The following ZSWIM5 variants were observed in gnomAD, a reference collection of about 807,000 sequenced individuals.
ZSWIM5 encodes the protein zinc finger SWIM domain-containing protein 5.
A neutral mutation model predicts 119.6 loss-of-function variants in ZSWIM5; 55 were observed. That is an observed-to-expected ratio of 0.46 (90% CI 0.37 to 0.58). ZSWIM5 has a LOEUF of 0.58. Ranked by LOEUF, ZSWIM5 falls within the 20% of genes least tolerant of loss-of-function variation. The pLI is 0.00. For synonymous variants in ZSWIM5, 537 were observed against 606.9 expected (o/e 0.88, Z 1.69); for missense variants, 1,193 against 1,512.8 (o/e 0.79, Z 3.51).
intron 1 of ZSWIM5, among the ~76,000 whole-genome samples, chr1:45,098,125 A>G (rs1214216625): frequency 6.6e-6 from 1 of 152,198 alleles, no homozygotes; most frequent in Non-Finnish European, 1.5e-5. Context: ...AGAGACACAT[A>G]TGCAGAAGTG....
In ZSWIM5 at chr1:45,090,902, C is replaced by G. The variant is rs377420969; in HGVS notation, c.596-2665G>C. Among the ~76,000 whole-genome samples, 41 of 151,908 alleles carry G rather than the reference C, an allele frequency of 2.7e-4. 2 individuals are homozygous for G. The East Asian group carries it at 6.2e-3, about 23-fold the overall frequency. ...AGCAGCTCCTCTCCAGACCTATACC[C>G]ACCAGACATTGCCAGCAGAGTAATA... On this transcript the variant is annotated intron_variant, in intron 1 of 13. Transcript: ENST00000359600.
intron 1 of ZSWIM5, among the ~76,000 whole-genome samples, chr1:45,168,865 T>A (rs1219057770): frequency 6.6e-6 from 1 of 152,038 alleles, no homozygotes; most frequent in Non-Finnish European, 1.5e-5. Context: ...GGAAAGGACA[T>A]CTAGGTAAAA....
chr1:45,114,798 C>T (rs974373686), intron 1 of ZSWIM5, among the ~76,000 whole-genome samples: 3 of 152,212 alleles, frequency 2.0e-5, no homozygotes, highest in African/African-American at 4.8e-5. Flanking sequence ...TGCGGCCTTC[C>T]GCAGTGTTTG....
chr1:45,156,937 C>T (rs1028973481), intron 1 of ZSWIM5, among the ~76,000 whole-genome samples: 4 of 152,026 alleles, frequency 2.6e-5, no homozygotes, highest in African/African-American at 9.7e-5. Flanking sequence ...CAAAGCACAA[C>T]CTCAGTTGAA....
At position 45,057,201 on chromosome 1, in the gene ZSWIM5, A is replaced by G. The variant is rs1570037533; in HGVS notation, c.1252+1408T>C. 6.6e-6 allele frequency among the ~76,000 whole-genome samples: 1 copy of G among 152,202 alleles called. No individual in the cohort carries two copies. Among genetic ancestry groups the G allele is most frequent in the East Asian group, 1.9e-4 (1 of 5,204 alleles). ...AATTCTCAGGCTCCACTCCAAACCT[A>G]CTAATTCAGAAACTCGGGATAGGGC... On this transcript the variant is annotated intron_variant, in intron 4 of 13. Transcript: ENST00000359600. The surrounding 1 kb of genome is among the most constrained non-coding windows in gnomAD (Gnocchi z 4.7).
At chr1:45,197,387 T>C (rs926927402) in intron 1 of ZSWIM5, among the ~76,000 whole-genome samples, 11 of 152,228 alleles carry the variant, frequency 7.2e-5, no homozygotes, top group African/African-American at 2.4e-4. Flanking sequence ...ATTTCATACA[T>C]ATGAAATTGT....
chr1:45,031,267 C>G (rs1052963981), intron 11 of ZSWIM5, among the ~76,000 whole-genome samples: 1 of 145,308 alleles, frequency 6.9e-6, no homozygotes, highest in Non-Finnish European at 1.5e-5. Flanking sequence ...GCCTCCACCT[C>G]CTGTGTTCAG....
At chr1:45,160,678 T>A (rs1030692869) in intron 1 of ZSWIM5, among the ~76,000 whole-genome samples, 3 of 149,430 alleles carry the variant, frequency 2.0e-5, no homozygotes, top group African/African-American at 7.5e-5. Flanking sequence ...TTTTGAGAAG[T>A]AGTTTCGTTC....
At chr1:45,082,341 A>G (rs865889256) in intron 2 of ZSWIM5, among the ~76,000 whole-genome samples, 50 of 152,190 alleles carry the variant, frequency 3.3e-4, no homozygotes, top group African/African-American at 1.1e-3. Flanking sequence ...AAAAAAGAAA[A>G]AAAAAAAAGA....
chr1:45,057,988 T>C lies in ZSWIM5; in HGVS notation c.1252+621A>G, dbSNP rs114149312. 9.9e-3 allele frequency among the ~76,000 whole-genome samples: 1,509 copies of C among 152,316 alleles called. 24 individuals are homozygous for C. The highest frequency in any genetic ancestry group is 0.035 in the African/African-American group (1,436 of 41,570). On this transcript the variant is annotated intron_variant, in intron 4 of 13. Coordinates refer to ENST00000359600, the MANE Select transcript of ZSWIM5 (RefSeq NM_020883.2). The surrounding 1 kb of genome is among the most constrained non-coding windows in gnomAD (Gnocchi z 4.7). ...ATAAGTTTGGTAAAGTAAGGAATGG[T>C]GGTGCCAATGCCAGTCACAAGAGCC...
chr1:45,109,474 G>A (rs113378226), intron 1 of ZSWIM5, among the ~76,000 whole-genome samples: 3,148 of 152,192 alleles, frequency 0.021, 117 homozygotes, highest in African/African-American at 0.072. Context: ...GGCTAGACGC[G>A]GTGGCTCACG....
chr1:45,062,422 A>G (rs1356109880), intron 2 of ZSWIM5, among the ~76,000 whole-genome samples: 1 of 152,222 alleles, frequency 6.6e-6, no homozygotes, highest in African/African-American at 2.4e-5. Context: ...TTCCACAAAT[A>G]CAAATTAACA....
chr1:45,160,753 TC>T (rs1443950120), intron 1 of ZSWIM5, among the ~76,000 whole-genome samples: 5 of 151,538 alleles, frequency 3.3e-5, no homozygotes, highest in Non-Finnish European at 7.4e-5. Context: ...TTCCCAGGGT[TC>T]AAGCGATTCT....
chr1:45,043,520 A>G (rs1337064796), intron 5 of ZSWIM5, 125 bp from the exon 6 acceptor site: 2 of 926,434 alleles, frequency 2.2e-6, no homozygotes, highest in Non-Finnish European at 3.3e-6. Flanking sequence ...TGGCAGCAGT[A>G]TTGAGAACAG....
chr1:45,163,286 CAGAA>C (rs780276484), intron 1 of ZSWIM5, among the ~76,000 whole-genome samples: 3 of 152,194 alleles, frequency 2.0e-5, no homozygotes, highest in Non-Finnish European at 4.4e-5. Context: ...AAGAAACAAA[CAGAA>C]AGGACATCCA....
chr1:45,145,098 T>TA (rs1456820081), intron 1 of ZSWIM5, among the ~76,000 whole-genome samples: 2 of 152,062 alleles, frequency 1.3e-5, no homozygotes, highest in African/African-American at 4.8e-5. Flanking sequence ...AAACGCAAAT[T>TA]AAAATCATTA....
At chr1:45,070,916 T>C (rs1172302291) in intron 2 of ZSWIM5, among the ~76,000 whole-genome samples, 2 of 152,208 alleles carry the variant, frequency 1.3e-5, no homozygotes, top group East Asian at 3.8e-4. Context: ...TAGCAAAACA[T>C]GGTTCCTGAC....
intron 3 of ZSWIM5, among the ~76,000 whole-genome samples, chr1:45,059,419 A>G (rs1461753654): frequency 1.3e-5 from 2 of 152,228 alleles, no homozygotes; most frequent in Admixed American, 1.3e-4. Context: ...TACATACTAT[A>G]TGAATGATTC....
intron 8 of ZSWIM5, among the ~76,000 whole-genome samples, chr1:45,037,232 T>G (rs1311133328): frequency 6.7e-6 from 1 of 149,712 alleles, no homozygotes; most frequent in Non-Finnish European, 1.5e-5. Context: ...TGCCTCAGCC[T>G]CCTGAGTAGC....
Sources: gnomAD v4.1 joint callset for allele counts (sites outside exome capture counted in the v4.1 genomes callset) on GRCh38, gnomAD v4.1.1 for gene constraint, Gnocchi (gnomAD v3.1) non-coding constraint, MANE v1.5 for transcripts, NCBI Gene and HGNC (gene_info 2026-07-23, HGNC 2026-07-21) for gene names.